RUFY2: variants seen among roughly 807,000 people sequenced by gnomAD.
The protein encoded by RUFY2 is RUN and FYVE domain-containing protein 2.
Under a neutral mutation model 94.4 loss-of-function variants are expected in RUFY2, and 49 were observed. That is an observed-to-expected ratio of 0.52 (90% CI 0.41 to 0.66). The LOEUF (loss-of-function observed/expected upper bound fraction) is 0.66, where lower values mean the gene tolerates loss of function less well. Among genes scored for constraint, RUFY2 ranks in the 30% least tolerant of loss-of-function variants. The pLI, the probability that RUFY2 is intolerant of heterozygous loss-of-function variation, is 0.00. For synonymous variants in RUFY2, 255 were observed against 235.7 expected, an observed-to-expected ratio of 1.08 and a Z score of -0.75; for missense variants, 541 against 692.8, an observed-to-expected ratio of 0.78 and a Z score of 2.46.
intron 13 of RUFY2, among the ~76,000 whole-genome samples, chr10:68,374,703 G>T (rs2048508022): frequency 6.6e-6 from 1 of 152,148 alleles, no homozygotes; most frequent in Non-Finnish European, 1.5e-5. Flanking sequence ...ATGGCATGTG[G>T]TCTTGTTTTA....
At chr10:68,376,491 T>TA (rs1589884310) in intron 13 of RUFY2, among the ~76,000 whole-genome samples, 28 of 103,398 alleles carry the variant, frequency 2.7e-4, no homozygotes, top group East Asian at 1.0e-3. Context: ...TATATATATA[T>TA]TCTCAGAAAA....
intron 7 of RUFY2, 33 bp downstream of exon 7, chr10:68,393,102 ATAT>A: frequency 2.5e-6 from 3 of 1,208,544 alleles, no homozygotes; most frequent in Non-Finnish European, 3.6e-6. Context: ...ACCTAAGACA[ATAT>A]TCATAAATGT....
At chr10:68,381,536 C>T in intron 10 of RUFY2, 137 bp from the exon 11 acceptor site, 1 of 736,818 alleles carries the variant, frequency 1.4e-6, no homozygotes, top group Non-Finnish European at 2.2e-6. Context: ...GGCCCTATAA[C>T]AAGGCAATAA....
Position 68,344,239 on chromosome 10 carries a change from A to T in RUFY2, c.*1529T>A, listed in dbSNP as rs572515266. On this transcript the variant is annotated 3_prime_UTR_variant, in exon 18 of 18. Transcript: ENST00000602465. ...ACTTAGGCTATTCAGAAAAATTTAA[A>T]TTTCATGGAAGCATATATTCATGAA... 81 of 152,348 alleles carry T rather than the reference A, an allele frequency of 5.3e-4. No individual in the cohort carries two copies. Among genetic ancestry groups the T allele is most frequent in the Non-Finnish European group, 7.1e-4 (48 of 68,034 alleles). The allele number at this position is 152,348 out of a possible 1,614,324, so 9.4% of individuals were successfully genotyped here.
downstream of RUFY2, chr10:68,341,633 C>A: frequency 6.2e-7 from 1 of 1,613,712 alleles, no homozygotes; most frequent in Non-Finnish European, 8.5e-7. Context: ...GGAGGCGGCT[C>A]TGGCATGGGA....
At chr10:68,390,299 AT>A (rs1236597020) in intron 7 of RUFY2, among the ~76,000 whole-genome samples, 1 of 152,176 alleles carries the variant, frequency 6.6e-6, no homozygotes, top group Non-Finnish European at 1.5e-5. Flanking sequence ...GTTTAATTGT[AT>A]TTTCTGATTA....
At chr10:68,374,470 A>G (rs1410725898) in intron 13 of RUFY2, among the ~76,000 whole-genome samples, 1 of 152,232 alleles carries the variant, frequency 6.6e-6, no homozygotes, top group African/African-American at 2.4e-5. Flanking sequence ...AAGAAGACAT[A>G]TTAACAGTCC....
At chr10:68,402,016 C>A (rs958161354) in intron 2 of RUFY2, among the ~76,000 whole-genome samples, 1 of 152,234 alleles carries the variant, frequency 6.6e-6, no homozygotes, top group Admixed American at 6.5e-5. Flanking sequence ...TGCACTCATT[C>A]TCTACCAATA....
chr10:68,345,529 C>T lies in RUFY2; in HGVS notation c.*239G>A. ...TAAGGCAAGTTGTGTTAGCTCTGCT[C>T]TCTGGCCTTTTAATGAGTTACATGA... On this transcript the variant is annotated 3_prime_UTR_variant, in exon 18 of 18. Coordinates refer to ENST00000602465, the MANE Select transcript of RUFY2 (RefSeq NM_001330103.2). The T allele has an allele frequency of 2.1e-6, 1 of 469,904 alleles. No homozygotes were observed. The highest frequency in any genetic ancestry group is 5.6e-4 in the Middle Eastern group (1 of 1,800). The allele number at this position is 469,904 out of a possible 1,614,324, so 29.1% of individuals were successfully genotyped here.
At chr10:68,395,461 G>A (rs774607221) in intron 4 of RUFY2, among the ~76,000 whole-genome samples, 1 of 151,950 alleles carries the variant, frequency 6.6e-6, no homozygotes, top group South Asian at 2.1e-4. Context: ...TTCAATCCTC[G>A]GATTTATTAA....
intron 2 of RUFY2, among the ~76,000 whole-genome samples, chr10:68,403,028 T>C (rs1284424074): frequency 1.3e-5 from 2 of 151,008 alleles, no homozygotes; most frequent in Non-Finnish European, 3.0e-5. Context: ...GTATTTTTAG[T>C]AGAGATGGGG....
chr10:68,352,170 A>G lies in RUFY2; in HGVS notation c.1599+3183T>C, dbSNP rs971844704. Among the ~76,000 whole-genome samples, 6 of 152,232 alleles carry G rather than the reference A, an allele frequency of 3.9e-5. No homozygotes were observed. The East Asian group carries it at 1.2e-3, about 29-fold the overall frequency. ...GAGACAAGGGCTTGCTATACTACCC[A>G]GGCTGGTCTCAAACTCCTGGCCTCA... On this transcript the variant is annotated intron_variant, in intron 16 of 17. Transcript: ENST00000602465.
intron 13 of RUFY2, among the ~76,000 whole-genome samples, chr10:68,368,719 G>C (rs538307207): frequency 6.6e-6 from 1 of 152,192 alleles, no homozygotes; most frequent in African/African-American, 2.4e-5. Flanking sequence ...GATCAGCTAG[G>C]AACTCCAGGA....
rs764140952 is a variant in RUFY2, at chr10:68,379,410, T to A, written c.1205+14A>T. ...AGAAAAGAAAAAAAGAAACTAAGAC[T>A]GGAAATGCTGTACCTTTGTTCCAGC... On this transcript the variant is annotated intron_variant, in intron 12 of 17. Transcript: ENST00000602465. 12 of 1,566,820 alleles carry A rather than the reference T, an allele frequency of 7.7e-6. No homozygotes were observed. The highest frequency in any genetic ancestry group is 2.0e-5 in the Admixed American group (1 of 50,564).
downstream of RUFY2, chr10:68,342,772 C>T (rs1038143756): frequency 6.6e-6 from 1 of 152,524 alleles, no homozygotes; most frequent in African/African-American, 2.4e-5. Flanking sequence ...CAGGTTATCG[C>T]AAGATGTCTT....
chr10:68,376,507 T>G (rs2048688866), intron 13 of RUFY2, among the ~76,000 whole-genome samples: 1 of 102,276 alleles, frequency 9.8e-6, no homozygotes, highest in Admixed American at 1.2e-4. Flanking sequence ...GAAAACAGCA[T>G]GTCCTTTAAT....
chr10:68,376,057 C>T (rs1430664875), intron 13 of RUFY2, among the ~76,000 whole-genome samples: 7 of 142,802 alleles, frequency 4.9e-5, no homozygotes, highest in African/African-American at 1.0e-4. Context: ...CCACCAAGGT[C>T]GTGCCATTGC....
intron 11 of RUFY2, among the ~76,000 whole-genome samples, 197 bp downstream of exon 11, chr10:68,381,035 A>C (rs554671535): frequency 6.6e-6 from 1 of 152,310 alleles, no homozygotes; most frequent in African/African-American, 2.4e-5. Flanking sequence ...CAACATTAAA[A>C]ATTTAGACAG....
At chr10:68,367,846 C>A (rs991791204) in intron 13 of RUFY2, among the ~76,000 whole-genome samples, 6 of 151,584 alleles carry the variant, frequency 4.0e-5, no homozygotes, top group Non-Finnish European at 8.8e-5. Flanking sequence ...GCAATCCTCT[C>A]ACCTTAGCCT....
Sources: allele counts gnomAD v4.1 joint callset (sites outside exome capture counted in the v4.1 genomes callset), GRCh38; gene constraint gnomAD v4.1.1; transcripts MANE v1.5; gene names NCBI Gene and HGNC (gene_info 2026-07-23, HGNC 2026-07-21).